The following SNCAIP variants were observed in gnomAD, a reference collection of about 807,000 sequenced individuals.
SNCAIP encodes synuclein alpha interacting protein.
In SNCAIP, 43 loss-of-function variants were observed where a neutral mutation model predicts 86.7. The observed-to-expected ratio is 0.50, with a 90% CI of 0.39 to 0.64. The LOEUF is 0.64. Ranked by LOEUF, SNCAIP falls within the 30% of genes least tolerant of loss-of-function variation. SNCAIP has a pLI of 0.00. For missense variants in SNCAIP, 981 were observed against 1,103.1 expected (o/e 0.89, Z 1.57); for synonymous variants, 417 against 427.2 (o/e 0.98, Z 0.29).
chr5:122,405,706 AG>A (rs1772825859), intron 3 of SNCAIP, among the ~76,000 whole-genome samples: 1 of 152,214 alleles, frequency 6.6e-6, no homozygotes, highest in Non-Finnish European at 1.5e-5. Flanking sequence ...AATCTTTACA[AG>A]TCAGCATTTT....
At chr5:122,352,669 T>G (rs2152746886) in intron 1 of SNCAIP, among the ~76,000 whole-genome samples, 1 of 152,330 alleles carries the variant, frequency 6.6e-6, no homozygotes, top group East Asian at 1.9e-4. Flanking sequence ...CAGTAAATTT[T>G]TGGTTGTCCA....
At chr5:122,369,108 T>C (rs1274266682) in intron 1 of SNCAIP, among the ~76,000 whole-genome samples, 5 of 152,168 alleles carry the variant, frequency 3.3e-5, no homozygotes, top group Non-Finnish European at 7.3e-5. Context: ...TAAAATAAAT[T>C]AGTGCCCTTG....
At chr5:122,324,738 T>G (rs935848136) in intron 1 of SNCAIP, among the ~76,000 whole-genome samples, 17 of 152,358 alleles carry the variant, frequency 1.1e-4, no homozygotes, top group African/African-American at 4.1e-4. Flanking sequence ...CCACTAGTAG[T>G]AATTGGTGAT....
At chr5:122,374,734 A>T (rs1764947154) in intron 1 of SNCAIP, among the ~76,000 whole-genome samples, 1 of 152,106 alleles carries the variant, frequency 6.6e-6, no homozygotes, top group Non-Finnish European at 1.5e-5. Context: ...TTATAAAGCA[A>T]CTCAACAGTT....
intron 1 of SNCAIP, 66 bp from the exon 2 acceptor site, chr5:122,391,023 A>G: frequency 1.2e-6 from 1 of 811,866 alleles, no homozygotes; most frequent in East Asian, 2.5e-5. Flanking sequence ...TTAAATGTAG[A>G]CATTATTTTT....
chr5:122,358,978 AT>A (rs1761664289), intron 1 of SNCAIP, among the ~76,000 whole-genome samples: 1 of 152,236 alleles, frequency 6.6e-6, no homozygotes, highest in Non-Finnish European at 1.5e-5. Context: ...AGATTAAAAA[AT>A]AAGTTTGATT....
At position 122,408,868 on chromosome 5, in the gene SNCAIP, G is replaced by T. The variant is rs923608415; in HGVS notation, c.130+5003G>T. ...ATCCTCAAAATAATTATCAGAGGGA[G>T]AAGCATTACTGTGCCTATTTTATTG... is the stretch of plus-strand genomic sequence containing the variant. On this transcript the variant is annotated intron_variant, in intron 3 of 10. Coordinates refer to ENST00000261368, the MANE Select transcript of SNCAIP (RefSeq NM_005460.4). 2.0e-5 allele frequency among the ~76,000 whole-genome samples: 3 copies of T among 152,214 alleles called. No homozygotes were observed. In the East Asian group the frequency reaches 5.8e-4, roughly 29 times the overall value.
At chr5:122,459,861 T>G (rs1310074542) in intron 10 of SNCAIP, among the ~76,000 whole-genome samples, 1 of 152,136 alleles carries the variant, frequency 6.6e-6, no homozygotes, top group Non-Finnish European at 1.5e-5. Context: ...CCCACCCCCT[T>G]CCCTAGCCTC....
chr5:122,383,447 C>G (rs1239252301), intron 1 of SNCAIP: 2 of 152,716 alleles, frequency 1.3e-5, no homozygotes, highest in Admixed American at 6.5e-5. Flanking sequence ...GTCTGGCACT[C>G]CCTAGTGAGA....
chr5:122,422,880 G>A lies in SNCAIP; in HGVS notation c.143G>A (p.Ser48Asn). 1 of 1,613,848 alleles carries A rather than the reference G, an allele frequency of 6.2e-7. No homozygotes were observed. Among genetic ancestry groups the A allele is most frequent in the Non-Finnish European group, 8.5e-7 (1 of 1,179,752 alleles). The change falls in exon 4 of 11, where the codon AGC (serine) becomes AAC (asparagine). Residue 48 changes from serine (S) to asparagine (N), a missense_variant. Physicochemically the swap from Ser to Asn is conservative, Grantham distance 46. Transcript: ENST00000261368. ...QNEDRSVSSS[S>N]WNCGISTLIT... ...TTTTTAAAAACAGTTTCTAGCTCTA[G>A]CTGGAATTGTGGCATCTCAACTCTT... is the stretch of plus-strand genomic sequence containing the variant.
intron 1 of SNCAIP, among the ~76,000 whole-genome samples, chr5:122,378,285 G>A (rs1364104678): frequency 2.1e-5 from 3 of 142,856 alleles, no homozygotes; most frequent in African/African-American, 8.0e-5. Context: ...TTTCTCTGAT[G>A]GCCAGTGATG....
chr5:122,378,203 C>T (rs9968760), intron 1 of SNCAIP, among the ~76,000 whole-genome samples: 11,075 of 137,016 alleles, frequency 0.081, 1,929 homozygotes, highest in African/African-American at 0.25. Context: ...CAGCACCTGT[C>T]GTTTCCTGAC....
intron 1 of SNCAIP, among the ~76,000 whole-genome samples, chr5:122,335,198 G>A (rs1463591738): frequency 6.6e-6 from 1 of 152,086 alleles, no homozygotes; most frequent in Non-Finnish European, 1.5e-5. Context: ...GTTGTTAGGA[G>A]GAAAAACAGT....
intron 1 of SNCAIP, among the ~76,000 whole-genome samples, chr5:122,375,285 ATT>A (rs1486411006): frequency 6.6e-6 from 1 of 152,068 alleles, no homozygotes; most frequent in Admixed American, 6.6e-5. Flanking sequence ...TGATCTCTGG[ATT>A]TGGATTCAAT....
At chr5:122,432,888 G>T (rs1581216506) in intron 6 of SNCAIP, among the ~76,000 whole-genome samples, 1 of 152,208 alleles carries the variant, frequency 6.6e-6, no homozygotes, top group Non-Finnish European at 1.5e-5. Context: ...AGATTTAATT[G>T]TGTTTGTGGC....
chr5:122,415,073 A>G (rs548476904), intron 3 of SNCAIP, among the ~76,000 whole-genome samples: 46 of 152,192 alleles, frequency 3.0e-4, no homozygotes, highest in Middle Eastern at 6.8e-3. Flanking sequence ...TCTTTCTTTC[A>G]CTCTTTATAG....
At chr5:122,334,848 C>T (rs549943664) in intron 1 of SNCAIP, among the ~76,000 whole-genome samples, 39 of 152,208 alleles carry the variant, frequency 2.6e-4, no homozygotes, top group African/African-American at 8.9e-4. Context: ...GATAAGTGTC[C>T]AGTAATTTGT....
intron 8 of SNCAIP, among the ~76,000 whole-genome samples, chr5:122,448,653 T>TATATTTATA (rs1439432296): frequency 7.8e-6 from 1 of 127,814 alleles, no homozygotes. Flanking sequence ...TATATATTTT[T>TATATTTATA]ATATATATTA....
At chr5:122,323,151 G>A (rs1224163165) in intron 1 of SNCAIP, among the ~76,000 whole-genome samples, 2 of 152,130 alleles carry the variant, frequency 1.3e-5, no homozygotes, top group Non-Finnish European at 2.9e-5. Context: ...GGGCAACAGC[G>A]CCTCAGAGAA....
Sources: allele counts gnomAD v4.1 joint callset (sites outside exome capture counted in the v4.1 genomes callset), GRCh38; gene constraint gnomAD v4.1.1; transcripts MANE v1.5; gene names NCBI Gene and HGNC (gene_info 2026-07-23, HGNC 2026-07-21).